The following COG6 variants were observed in gnomAD, a reference collection of about 807,000 sequenced individuals.
COG6 encodes component of oligomeric golgi complex 6.
A neutral mutation model predicts 88.8 loss-of-function variants in COG6; 74 were observed. That is an observed-to-expected ratio of 0.83 (90% CI 0.69 to 1.01). COG6 has a LOEUF of 1.01. Among genes scored for constraint, COG6 ranks in the 50% least tolerant of loss-of-function variants. COG6 has a pLI of 0.00. For synonymous variants in COG6, 286 were observed against 278.7 expected, an observed-to-expected ratio of 1.03 and a Z score of -0.26; for missense variants, 800 against 797.9, an observed-to-expected ratio of 1.00 and a Z score of -0.03.
At chr13:39,657,931 C>T (rs1453558833) in intron 1 of COG6, among the ~76,000 whole-genome samples, 1 of 152,162 alleles carries the variant, frequency 6.6e-6, no homozygotes, top group Non-Finnish European at 1.5e-5. Context: ...CAATTGGATA[C>T]TGATTGACGT....
chr13:39,680,055 T>G lies in COG6; in HGVS notation c.694+10T>G, dbSNP rs750483047. On this transcript the variant is annotated intron_variant, in intron 7 of 18. Transcript: ENST00000455146. Reference sequence around the variant, plus strand: ...TACCGATGGGCTCAAAGTAAGTGATTTCTTTTATGTTGTCTAGATTCATGA... The same window carrying G: ...TACCGATGGGCTCAAAGTAAGTGATGTCTTTTATGTTGTCTAGATTCATGA... 2.0e-6 allele frequency: 3 copies of G among 1,509,982 alleles called. No homozygotes were observed. Among genetic ancestry groups the G allele is most frequent in the Admixed American group, 3.3e-5 (2 of 59,788 alleles). 93.5% of individuals were successfully genotyped at this position (1,509,982 alleles called of 1,614,324 possible).
At chr13:39,721,500 A>C (rs1878848747) in intron 15 of COG6, among the ~76,000 whole-genome samples, 1 of 151,996 alleles carries the variant, frequency 6.6e-6, no homozygotes, top group Non-Finnish European at 1.5e-5. Context: ...TTCAGACCCC[A>C]CTGGCAGTCC....
chr13:39,748,557 GT>G (rs1247996814), intron 18 of COG6, among the ~76,000 whole-genome samples: 1 of 152,030 alleles, frequency 6.6e-6, no homozygotes, highest in Non-Finnish European at 1.5e-5. Context: ...AGAGGTTGCA[GT>G]GAGCCAAGAT....
At chr13:39,685,327 T>C (rs1430315512) in intron 8 of COG6, among the ~76,000 whole-genome samples, 1 of 152,178 alleles carries the variant, frequency 6.6e-6, no homozygotes, top group African/African-American at 2.4e-5. Context: ...GGGAAGGATG[T>C]TTCATGTCTA....
At chr13:39,784,207 A>G (rs954384358) in intron 18 of COG6, among the ~76,000 whole-genome samples, 2 of 152,150 alleles carry the variant, frequency 1.3e-5, no homozygotes, top group African/African-American at 2.4e-5. Context: ...GAATATACCT[A>G]TTTGTCAGAG....
intron 18 of COG6, among the ~76,000 whole-genome samples, chr13:39,771,662 A>G (rs1881321582): frequency 6.6e-6 from 1 of 152,250 alleles, no homozygotes; most frequent in African/African-American, 2.4e-5. Flanking sequence ...ATACAAATAT[A>G]TAGTCTACCC....
intron 2 of COG6, among the ~76,000 whole-genome samples, chr13:39,660,219 A>G (rs1460386457): frequency 6.6e-6 from 1 of 152,072 alleles, no homozygotes; most frequent in African/African-American, 2.4e-5. Flanking sequence ...GACTCTTGCT[A>G]TGTTGCCTGG....
chr13:39,697,464 C>G (rs1360865710), intron 12 of COG6, among the ~76,000 whole-genome samples: 8 of 151,946 alleles, frequency 5.3e-5, no homozygotes. Flanking sequence ...ATCCAGGAAA[C>G]AGGGACTCGA....
chr13:39,777,708 G>T (rs993627958), intron 18 of COG6, among the ~76,000 whole-genome samples: 1 of 152,104 alleles, frequency 6.6e-6, no homozygotes, highest in African/African-American at 2.4e-5. Context: ...AGGCCATCTG[G>T]TCTGACTCTA....
At chr13:39,733,236 G>C (rs1879552213) in intron 18 of COG6, among the ~76,000 whole-genome samples, 1 of 150,022 alleles carries the variant, frequency 6.7e-6, no homozygotes, top group African/African-American at 2.5e-5. Context: ...TGTCACCCAG[G>C]CTGGAGTGGA....
chr13:39,756,045 A>G (rs1178305415), downstream of COG6, among the ~76,000 whole-genome samples: 1 of 152,226 alleles, frequency 6.6e-6, no homozygotes, highest in Non-Finnish European at 1.5e-5. Context: ...GATTTTAACT[A>G]TTTTAAATAT....
intron 15 of COG6, among the ~76,000 whole-genome samples, 163 bp downstream of exon 15, chr13:39,719,990 AC>A (rs1566194707): frequency 1.3e-5 from 1 of 78,400 alleles, no homozygotes; most frequent in Non-Finnish European, 2.5e-5. Flanking sequence ...ACACGCACAT[AC>A]ACAACACACA....
At chr13:39,755,120 C>A (rs1027995131), downstream of COG6, among the ~76,000 whole-genome samples, 8 of 152,000 alleles carry the variant, frequency 5.3e-5, no homozygotes, top group Non-Finnish European at 7.4e-5. Context: ...AAAAAATGAT[C>A]AAAGTCAACT....
intron 4 of COG6, 68 bp from the exon 5 acceptor site, chr13:39,677,400 G>T: frequency 1.2e-6 from 1 of 864,668 alleles, no homozygotes; most frequent in African/African-American, 1.7e-5. Context: ...GTCTGAGATA[G>T]AATTTGTTTT....
At chr13:39,732,661 A>G (rs1879515701) in intron 18 of COG6, among the ~76,000 whole-genome samples, 1 of 152,210 alleles carries the variant, frequency 6.6e-6, no homozygotes, top group Non-Finnish European at 1.5e-5. Context: ...TCCAGAGGGA[A>G]AGATCAGTTA....
chr13:39,669,283 T>C (rs4457870), intron 4 of COG6, among the ~76,000 whole-genome samples: 109,914 of 152,170 alleles, frequency 0.72, 39,991 homozygotes, highest in Admixed American at 0.81. Context: ...TTAATTTTTC[T>C]CTAAGTTAAT....
chr13:39,766,707 C>T (rs969246352), intron 18 of COG6, among the ~76,000 whole-genome samples: 5 of 152,078 alleles, frequency 3.3e-5, no homozygotes, highest in Admixed American at 3.3e-4. Flanking sequence ...AATCAGCACC[C>T]CCTCCCCAAG....
At chr13:39,741,801 G>T (rs907668288) in intron 18 of COG6, among the ~76,000 whole-genome samples, 4 of 151,846 alleles carry the variant, frequency 2.6e-5, no homozygotes, top group Non-Finnish European at 5.9e-5. Context: ...ACATATAATT[G>T]TCAGATTCAC....
chr13:39,732,377 A>G (rs1419494615), intron 18 of COG6, among the ~76,000 whole-genome samples: 2 of 152,228 alleles, frequency 1.3e-5, no homozygotes, highest in Non-Finnish European at 2.9e-5. Context: ...AATGCTAAGC[A>G]TGTGATAAAA....
Sources: allele counts gnomAD v4.1 joint callset (sites outside exome capture counted in the v4.1 genomes callset), GRCh38; gene constraint gnomAD v4.1.1; transcripts MANE v1.5; gene names NCBI Gene and HGNC (gene_info 2026-07-23, HGNC 2026-07-21).